SPON1: variants seen among roughly 807,000 people sequenced by gnomAD.
SPON1 encodes the protein spondin 1.
In SPON1, 52 loss-of-function variants were observed where a neutral mutation model predicts 111.7. The observed-to-expected ratio is 0.47, with a 90% confidence interval of 0.37 to 0.59. The LOEUF is 0.59. Ranked by LOEUF, SPON1 falls within the 20% of genes least tolerant of loss-of-function variation. The pLI, the probability that SPON1 is intolerant of heterozygous loss-of-function variation, is 0.00. For synonymous variants in SPON1, 410 were observed against 395.8 expected (o/e 1.04, Z -0.43); for missense variants, 957 against 1,068.5 (o/e 0.90, Z 1.46).
intron 6 of SPON1, among the ~76,000 whole-genome samples, chr11:14,203,099 T>C (rs782396593): frequency 1.3e-5 from 2 of 152,130 alleles, no homozygotes; most frequent in African/African-American, 4.8e-5. Context: ...AGGAGGTTGA[T>C]CCCTCCTCTA....
chr11:14,052,056 G>C (rs1251917643), intron 3 of SPON1, among the ~76,000 whole-genome samples: 1 of 152,138 alleles, frequency 6.6e-6, no homozygotes, highest in Non-Finnish European at 1.5e-5. Flanking sequence ...CACAGCTCCT[G>C]CCCACCTTCT....
At chr11:14,185,023 C>A (rs782272188) in intron 6 of SPON1, among the ~76,000 whole-genome samples, 40 of 152,232 alleles carry the variant, frequency 2.6e-4, no homozygotes, top group Non-Finnish European at 1.3e-4. Flanking sequence ...CATTCATACC[C>A]AGCTCTCCTG....
chr11:14,265,828 C>A lies in SPON1; in HGVS notation c.*141C>A. On this transcript the variant is annotated 3_prime_UTR_variant, in exon 16 of 16. Coordinates refer to ENST00000576479, the MANE Select transcript of SPON1 (RefSeq NM_006108.4). ...GGTTCGCCCAGTAGTCTTGTGGATG[C>A]CAGAGACATCCTTTCTGAATACTTC... 1 of 933,194 alleles carries A rather than the reference C, an allele frequency of 1.1e-6. No homozygotes were observed. The highest frequency in any genetic ancestry group is 1.6e-6 in the Non-Finnish European group (1 of 632,260). 57.8% of individuals were successfully genotyped at this position (933,194 alleles called of 1,614,324 possible). A position where few individuals can be genotyped will look rare whatever the true frequency, so the allele number is the denominator to read the frequency against.
intron 5 of SPON1, among the ~76,000 whole-genome samples, chr11:14,119,946 G>A (rs76451663): frequency 0.024 from 3,709 of 152,024 alleles, 155 homozygotes; most frequent in African/African-American, 0.084. Context: ...AGTCACACTG[G>A]CCACATTTAA....
intron 5 of SPON1, among the ~76,000 whole-genome samples, chr11:14,111,584 T>C (rs1290658472): frequency 6.6e-6 from 1 of 152,242 alleles, no homozygotes; most frequent in Non-Finnish European, 1.5e-5. Flanking sequence ...AGCATTTATA[T>C]GCTTAAGTTT....
chr11:14,036,751 C>T (rs1186357382), intron 2 of SPON1, among the ~76,000 whole-genome samples: 1 of 151,200 alleles, frequency 6.6e-6, no homozygotes, highest in African/African-American at 2.4e-5. Flanking sequence ...TGAGCAAGTT[C>T]AAATTTAAAG....
rs192205145 is a variant in SPON1 at position 14,183,538 on chromosome 11, C to A, written c.825+47970C>A. Reference sequence around the variant, plus strand: ...TCCCCTATTATTCTGAGTATCGTAGCCAGTGTTTGTTCTGTCTCAGCATGT... The same window carrying A: ...TCCCCTATTATTCTGAGTATCGTAGACAGTGTTTGTTCTGTCTCAGCATGT... On this transcript the variant is annotated intron_variant, in intron 6 of 15. Coordinates refer to ENST00000576479, the MANE Select transcript of SPON1 (RefSeq NM_006108.4). Among the ~76,000 whole-genome samples, 352 of 152,220 alleles carry A rather than the reference C, an allele frequency of 2.3e-3. 1 individual carries two copies. Among genetic ancestry groups the A allele is most frequent in the African/African-American group, 7.7e-3 (319 of 41,534 alleles).
intron 6 of SPON1, among the ~76,000 whole-genome samples, chr11:14,221,924 C>G (rs1256688933): frequency 1.3e-5 from 2 of 152,226 alleles, no homozygotes; most frequent in African/African-American, 4.8e-5. Context: ...TCTGGTCACT[C>G]CCAGCCCTCA....
At chr11:14,186,868 TTC>T (rs2133889769) in intron 6 of SPON1, among the ~76,000 whole-genome samples, 1 of 152,352 alleles carries the variant, frequency 6.6e-6, no homozygotes, top group Non-Finnish European at 1.5e-5. Flanking sequence ...GAAGTGAAAT[TTC>T]TTTTACCCCC....
chr11:14,160,823 T>TTTTATATATATTTATATATTTATATA, intron 6 of SPON1, among the ~76,000 whole-genome samples: 1 of 33,486 alleles, frequency 3.0e-5, no homozygotes, highest in African/African-American at 1.1e-4. Context: ...TTTATATATA[T>TTTTATATATATTTATATATTTATATA]TTTATATATA....
chr11:14,154,584 G>A (rs147585263), intron 6 of SPON1, among the ~76,000 whole-genome samples: 1 of 152,360 alleles, frequency 6.6e-6, no homozygotes, highest in Non-Finnish European at 1.5e-5. Context: ...CCTGTGATGG[G>A]ACAGGCTGCT....
At chr11:14,136,567 T>G (rs1847594472) in intron 6 of SPON1, among the ~76,000 whole-genome samples, 1 of 152,112 alleles carries the variant, frequency 6.6e-6, no homozygotes, top group Non-Finnish European at 1.5e-5. Flanking sequence ...GCCCGCAGTG[T>G]TCCCCACCAT....
chr11:14,068,211 A>C (rs1528647), intron 3 of SPON1, among the ~76,000 whole-genome samples: 39,391 of 152,090 alleles, frequency 0.26, 6,121 homozygotes, highest in South Asian at 0.42. Context: ...ATGAAGTTGA[A>C]CAATATGAGA....
At chr11:14,244,454 G>C (rs1232341465) in intron 7 of SPON1, among the ~76,000 whole-genome samples, 1 of 151,412 alleles carries the variant, frequency 6.6e-6, no homozygotes, top group Admixed American at 6.6e-5. Flanking sequence ...GTAATCAGAG[G>C]TTGCAGTGAG....
chr11:14,243,975 T>A (rs1336220350), intron 7 of SPON1, among the ~76,000 whole-genome samples: 1 of 152,250 alleles, frequency 6.6e-6, no homozygotes, highest in Non-Finnish European at 1.5e-5. Flanking sequence ...AAACTCATCA[T>A]GTCCAAAATG....
At chr11:14,181,583 G>A (rs1288638130) in intron 6 of SPON1, among the ~76,000 whole-genome samples, 2 of 152,208 alleles carry the variant, frequency 1.3e-5, no homozygotes, top group African/African-American at 2.4e-5. Context: ...GGGAATAAAT[G>A]TAAAGTGGAA....
intron 2 of SPON1, among the ~76,000 whole-genome samples, chr11:13,992,362 A>G (rs545561819): frequency 1.3e-5 from 2 of 152,228 alleles, no homozygotes; most frequent in East Asian, 3.9e-4. Context: ...CTGTGACCAT[A>G]AAACTGTCTA....
In SPON1 at chr11:14,160,469, T is replaced by TTA. The variant is rs1273463768; in HGVS notation, c.825+24911_825+24912dup. 5.8e-3 allele frequency among the ~76,000 whole-genome samples: 96 copies of TTA among 16,500 alleles called. 8 individuals carry two copies. The highest frequency in any genetic ancestry group is 0.022 in the African/African-American group (80 of 3,666). The allele number at this position is 16,500 out of a possible 152,430, so 10.8% of individuals were successfully genotyped here. A position where few individuals can be genotyped will look rare whatever the true frequency, so the allele number is the denominator to read the frequency against. ...TATATATATATTTATATATATATAT[T>TTA]TATATATATATTTATATATATATAT... On this transcript the variant is annotated intron_variant, in intron 6 of 15. Transcript: ENST00000576479.
intron 4 of SPON1, among the ~76,000 whole-genome samples, chr11:14,079,456 C>T (rs1591369732): frequency 6.6e-6 from 1 of 152,042 alleles, no homozygotes; most frequent in East Asian, 1.9e-4. Context: ...CCTTCTGGTC[C>T]TGTCATTTTG....
Sources: allele counts gnomAD v4.1 joint callset (sites outside exome capture counted in the v4.1 genomes callset), GRCh38; gene constraint gnomAD v4.1.1; transcripts MANE v1.5; gene names NCBI Gene and HGNC (gene_info 2026-07-23, HGNC 2026-07-21).